Variants in TRPM3 observed in about 807,000 individuals in gnomAD.
TRPM3 encodes transient receptor potential cation channel subfamily M member 3.
TRPM3 carries 77 observed loss-of-function variants against 181.2 expected under a neutral mutation model. The observed-to-expected ratio is 0.42, with a 90% CI of 0.35 to 0.51. The LOEUF (loss-of-function observed/expected upper bound fraction) is 0.51, where lower values mean the gene tolerates loss of function less well. TRPM3 is among the 20% of genes least tolerant of loss of function. The probability of loss-of-function intolerance (pLI) is 0.01; values close to 1 mark genes in which losing one functional copy is unlikely to be tolerated. For synonymous variants in TRPM3, 745 were observed against 796.4 expected, an observed-to-expected ratio of 0.94 and a Z score of 1.09; for missense variants, 1,759 against 2,196.7, an observed-to-expected ratio of 0.80 and a Z score of 3.98.
chr9:70,822,563 G>A (rs182192305), intron 6 of TRPM3, among the ~76,000 whole-genome samples: 33 of 152,232 alleles, frequency 2.2e-4, no homozygotes, highest in Middle Eastern at 3.4e-3. Flanking sequence ...GTGTAATGGG[G>A]AGTTAGTGTT....
At chr9:70,701,949 G>A (rs1254124436) in intron 8 of TRPM3, among the ~76,000 whole-genome samples, 3 of 139,314 alleles carry the variant, frequency 2.2e-5, no homozygotes, top group Non-Finnish European at 3.1e-5. Context: ...TCTACTGAAA[G>A]TCACATGGCT....
chr9:71,319,751 T>C lies in TRPM3; in HGVS notation c.183+126902A>G, dbSNP rs1755106627. Among the ~76,000 whole-genome samples the C allele has an allele frequency of 2.0e-5, 3 of 152,034 alleles. No individual in the cohort carries two copies. The South Asian group carries it at 6.2e-4, about 31-fold the overall frequency. ...TTATTCAAAAATGTTACCCTTAGCC[T>C]CAGAAATCCCACTACTTTGGCAACA... On this transcript the variant is annotated intron_variant, in intron 1 of 24. Transcript: ENST00000357533.
chr9:71,136,844 T>C (rs2074796061), intron 1 of TRPM3, among the ~76,000 whole-genome samples: 1 of 152,168 alleles, frequency 6.6e-6, no homozygotes, highest in African/African-American at 2.4e-5. Flanking sequence ...CATGGCGCAC[T>C]TTGAAGACAG....
Position 71,364,949 on chromosome 9 carries a change from T to C in TRPM3, c.183+81704A>G, listed in dbSNP as rs192410084. Among the ~76,000 whole-genome samples, 831 of 152,274 alleles carry C rather than the reference T, an allele frequency of 5.5e-3. 11 individuals are homozygous for C. The highest frequency in any genetic ancestry group is 0.019 in the African/African-American group (802 of 41,560). Reference sequence around the variant, plus strand: ...TTTTTGGAAAGAAAATAAAATAAGATACTATCTCATTTCTCACTAGAATCT... The same window carrying C: ...TTTTTGGAAAGAAAATAAAATAAGACACTATCTCATTTCTCACTAGAATCT... On this transcript the variant is annotated intron_variant, in intron 1 of 24. Coordinates refer to the TRPM3 transcript ENST00000357533.
At chr9:70,844,559 C>G (rs2094869042) in intron 4 of TRPM3, among the ~76,000 whole-genome samples, 1 of 152,200 alleles carries the variant, frequency 6.6e-6, no homozygotes, top group African/African-American at 2.4e-5. Context: ...AAACTCCTTT[C>G]AGGGCCAGCC....
chr9:70,740,250 A>C (rs1460805199), intron 8 of TRPM3, among the ~76,000 whole-genome samples: 1 of 152,184 alleles, frequency 6.6e-6, no homozygotes, highest in Admixed American at 6.5e-5. Context: ...AATACTTAGG[A>C]ATATACCTAA....
At chr9:71,199,923 T>G (rs1375836056) in intron 1 of TRPM3, among the ~76,000 whole-genome samples, 1 of 152,188 alleles carries the variant, frequency 6.6e-6, no homozygotes, top group Non-Finnish European at 1.5e-5. Flanking sequence ...AGCTTTTGAA[T>G]GTGCTTGCTC....
intron 1 of TRPM3, among the ~76,000 whole-genome samples, chr9:71,003,527 A>G (rs903741207): frequency 3.3e-5 from 5 of 152,146 alleles, no homozygotes; most frequent in Non-Finnish European, 7.4e-5. Flanking sequence ...CCCCTCCACA[A>G]GGTGGAACCA....
At chr9:71,197,283 C>T (rs979536507) in intron 1 of TRPM3, among the ~76,000 whole-genome samples, 18 of 151,998 alleles carry the variant, frequency 1.2e-4, no homozygotes, top group Non-Finnish European at 2.4e-4. Flanking sequence ...TTGGACATTT[C>T]GCTTGGTTCC....
At chr9:70,578,298 CA>C (rs56376771) in intron 22 of TRPM3, among the ~76,000 whole-genome samples, 40,700 of 115,964 alleles carry the variant, frequency 0.35, 5,792 homozygotes, top group East Asian at 0.42. Flanking sequence ...CTTTTGTATC[CA>C]AAAAAAAAAA....
intron 1 of TRPM3, among the ~76,000 whole-genome samples, chr9:71,372,738 G>A (rs552611058): frequency 1.3e-5 from 2 of 152,002 alleles, no homozygotes; most frequent in African/African-American, 2.4e-5. Flanking sequence ...AAATGTAAAT[G>A]GGCTAAATAC....
chr9:70,886,807 G>C (rs2096091706), intron 1 of TRPM3, among the ~76,000 whole-genome samples: 1 of 152,012 alleles, frequency 6.6e-6, no homozygotes, highest in South Asian at 2.1e-4. Flanking sequence ...TGGGATTATA[G>C]GCCTGCACCA....
chr9:71,006,001 T>C (rs2097669413), intron 1 of TRPM3, among the ~76,000 whole-genome samples: 1 of 152,222 alleles, frequency 6.6e-6, no homozygotes, highest in Admixed American at 6.5e-5. Flanking sequence ...TAAAATGATG[T>C]AACTTGAAAC....
chr9:70,761,510 A>G, intron 8 of TRPM3, 91 bp downstream of exon 8: 2 of 1,584,142 alleles, frequency 1.3e-6, no homozygotes. Flanking sequence ...CCAGAAAGAG[A>G]GAATGTTGCA....
At chr9:70,969,230 T>C (rs3010432) in intron 1 of TRPM3, among the ~76,000 whole-genome samples, 116,424 of 151,354 alleles carry the variant, frequency 0.77, 45,201 homozygotes, top group African/African-American at 0.86. Context: ...GCAATAAGAA[T>C]ACATGGACAC....
rs895186544 is a variant in TRPM3, at chr9:70,529,257, T to C, written c.*6696A>G. The C allele has an allele frequency of 6.6e-6, 1 of 152,174 alleles. No homozygotes were observed. The highest frequency in any genetic ancestry group is 1.5e-5 in the Non-Finnish European group (1 of 68,026). 9.4% of individuals were successfully genotyped at this position (152,174 alleles called of 1,614,324 possible). A position where few individuals can be genotyped will look rare whatever the true frequency, so the allele number is the denominator to read the frequency against. On this transcript the variant is annotated 3_prime_UTR_variant, in exon 26 of 26. Coordinates refer to ENST00000677713, the MANE Select transcript of TRPM3 (RefSeq NM_001366145.2). ...TCTAAGGATTTATATATATTTATAG[T>C]GTCGATAGATATGCATACCGTGGTC... is the stretch of plus-strand genomic sequence containing the variant.
intron 1 of TRPM3, among the ~76,000 whole-genome samples, chr9:71,366,613 G>GT (rs1317109055): frequency 6.6e-6 from 1 of 152,152 alleles, no homozygotes; most frequent in African/African-American, 2.4e-5. Flanking sequence ...CTGTCTGAAA[G>GT]TATTATCTTC....
chr9:71,422,221 T>A lies in TRPM3; in HGVS notation c.183+24432A>T, dbSNP rs1486705063. ...TATCACAAAGATACAATAACATGAGTACCAACTTATGAAGAAGGCATGATT... is the reference window on the plus strand; with the variant it reads ...TATCACAAAGATACAATAACATGAGAACCAACTTATGAAGAAGGCATGATT... On this transcript the variant is annotated intron_variant, in intron 1 of 24. Transcript: ENST00000357533. Among the ~76,000 whole-genome samples, 4 of 152,044 alleles carry A rather than the reference T, an allele frequency of 2.6e-5. No individual in the cohort carries two copies. In the East Asian group the frequency reaches 7.7e-4, roughly 29 times the overall value.
chr9:71,060,592 T>C (rs1591074698), intron 1 of TRPM3, among the ~76,000 whole-genome samples: 1 of 152,154 alleles, frequency 6.6e-6, no homozygotes, highest in African/African-American at 2.4e-5. Flanking sequence ...TACTGTGCAA[T>C]TGTAAGATTC....
Sources: gnomAD v4.1 joint callset for allele counts (sites outside exome capture counted in the v4.1 genomes callset) on GRCh38, gnomAD v4.1.1 for gene constraint, MANE v1.5 for transcripts, NCBI Gene and HGNC (gene_info 2026-07-23, HGNC 2026-07-21) for gene names.